The following PCDHA2 variants were observed in gnomAD, a reference collection of about 807,000 sequenced individuals.
The protein encoded by PCDHA2 is protocadherin alpha-2.
In PCDHA2, 58 loss-of-function variants were observed where a neutral mutation model predicts 66.0. The ratio of observed to expected loss-of-function variants is 0.88; its 90% CI spans 0.71 to 1.09. The LOEUF (loss-of-function observed/expected upper bound fraction) is 1.09, where lower values mean the gene tolerates loss of function less well. Among genes scored for constraint, PCDHA2 ranks in the 50% least tolerant of loss-of-function variants. The probability of loss-of-function intolerance (pLI) is 0.00; values close to 1 mark genes in which losing one functional copy is unlikely to be tolerated. For synonymous variants in PCDHA2, 634 were observed against 554.0 expected, an observed-to-expected ratio of 1.14 and a Z score of -2.03; for missense variants, 1,267 against 1,242.3, an observed-to-expected ratio of 1.02 and a Z score of -0.30.
At chr5:140,803,155 A>C (rs782366845) in intron 1 of PCDHA2, 6 of 1,613,866 alleles carry the variant, frequency 3.7e-6, no homozygotes, top group Non-Finnish European at 5.1e-6. Flanking sequence ...CTGGTGAAGG[A>C]CCACGGTGAA....
chr5:140,834,414 G>T, intron 1 of PCDHA2: 1 of 1,611,396 alleles, frequency 6.2e-7, no homozygotes. Flanking sequence ...CGACCCAGGG[G>T]GCCGACATCT....
At chr5:140,974,905 A>G (rs1276795577) in intron 1 of PCDHA2, among the ~76,000 whole-genome samples, 2 of 152,208 alleles carry the variant, frequency 1.3e-5, no homozygotes, top group African/African-American at 4.8e-5. Context: ...TTTGTAACAA[A>G]TTACCACAAG....
At chr5:140,940,528 A>G (rs1190387049) in intron 1 of PCDHA2, among the ~76,000 whole-genome samples, 6 of 152,156 alleles carry the variant, frequency 3.9e-5, no homozygotes, top group African/African-American at 1.4e-4. Flanking sequence ...AGCTCACTGC[A>G]ATCTTGAATT....
chr5:140,834,224 G>T (rs1183428417), intron 1 of PCDHA2: 6 of 695,532 alleles, frequency 8.6e-6, no homozygotes, highest in Non-Finnish European at 1.4e-5. Context: ...ATCAGCAAAA[G>T]GAAGTCATTC....
At chr5:140,928,427 C>T in intron 1 of PCDHA2, 1 of 1,614,132 alleles carries the variant, frequency 6.2e-7, no homozygotes. Flanking sequence ...GCCAAAACTT[C>T]CTTTGACTTT....
At chr5:140,915,638 C>CTCTT (rs1554197009) in intron 1 of PCDHA2, among the ~76,000 whole-genome samples, 3 of 151,724 alleles carry the variant, frequency 2.0e-5, no homozygotes, top group Admixed American at 1.3e-4. Context: ...CTCTCTCTCT[C>CTCTT]TCTCTCTCTC....
At chr5:140,856,951 A>G in intron 1 of PCDHA2, 2 of 1,593,156 alleles carry the variant, frequency 1.3e-6, no homozygotes, top group Non-Finnish European at 1.7e-6. Context: ...CGGGAGAAAT[A>G]AAAGTAAATG....
intron 1 of PCDHA2, chr5:140,848,326 C>T (rs1554142056): frequency 2.5e-6 from 2 of 808,244 alleles, no homozygotes; most frequent in African/African-American, 3.4e-5. Flanking sequence ...GATGTTCTCT[C>T]TGAATCCAGA....
chr5:140,818,062 G>A (rs2150100004), intron 1 of PCDHA2, among the ~76,000 whole-genome samples: 2 of 152,042 alleles, frequency 1.3e-5, no homozygotes, highest in East Asian at 1.9e-4. Flanking sequence ...TTTTAATCTC[G>A]CTTGCAGTTT....
intron 1 of PCDHA2, among the ~76,000 whole-genome samples, chr5:140,964,396 G>A (rs2095829712): frequency 6.6e-6 from 1 of 152,188 alleles, no homozygotes; most frequent in South Asian, 2.1e-4. Flanking sequence ...TTTCTCCCAA[G>A]ACATGACATT....
intron 1 of PCDHA2, among the ~76,000 whole-genome samples, chr5:140,906,069 T>C (rs2072342341): frequency 6.6e-6 from 1 of 152,204 alleles, no homozygotes; most frequent in African/African-American, 2.4e-5. Flanking sequence ...GCTGATTAGA[T>C]CGCACCCACC....
intron 1 of PCDHA2, chr5:140,805,244 A>C: frequency 7.6e-7 from 1 of 1,320,150 alleles, no homozygotes; most frequent in Non-Finnish European, 9.6e-7. Flanking sequence ...CCCCATCTGT[A>C]CATTAAAATA....
chr5:140,968,276 G>A, intron 1 of PCDHA2: 1 of 1,614,070 alleles, frequency 6.2e-7, no homozygotes, highest in South Asian at 1.1e-5. Context: ...GAATGCAGAG[G>A]TGACCTACTC....
At chr5:140,822,452 A>T (rs2150116491) in intron 1 of PCDHA2, 2 of 1,613,774 alleles carry the variant, frequency 1.2e-6, no homozygotes, top group Non-Finnish European at 1.7e-6. Flanking sequence ...GGTACAGTTC[A>T]GTTGTTGATC....
At chr5:140,875,820 T>C (rs2055843364) in intron 1 of PCDHA2, 1 of 1,613,978 alleles carries the variant, frequency 6.2e-7, no homozygotes, top group African/African-American at 1.3e-5. Flanking sequence ...CGCTGCAGGT[T>C]TTCCATGTGG....
intron 1 of PCDHA2, among the ~76,000 whole-genome samples, chr5:140,960,750 A>C (rs1367583531): frequency 6.6e-6 from 1 of 152,048 alleles, no homozygotes; most frequent in African/African-American, 2.4e-5. Context: ...CATGGCTAAA[A>C]TCCCAAGAGT....
At chr5:140,960,299 A>G (rs246005) in intron 1 of PCDHA2, among the ~76,000 whole-genome samples, 1 of 151,808 alleles carries the variant, frequency 6.6e-6, no homozygotes. Flanking sequence ...TTTCTTCATC[A>G]ATACCAACCT....
At position 140,917,332 on chromosome 5, in the gene PCDHA2, G is replaced by T. The variant is rs182473611; in HGVS notation, c.2389-61617G>T. Among the ~76,000 whole-genome samples the T allele has an allele frequency of 8.2e-3, 1,196 of 145,640 alleles. 67 individuals carry two copies. The highest frequency in any genetic ancestry group is 0.021 in the African/African-American group (776 of 37,840). On this transcript the variant is annotated intron_variant, in intron 1 of 3. Transcript: ENST00000526136. ...ATTTGGTGTTCATGTGGCGGGGGAG[G>T]GGGGGGATGGTGTAGGCTTCTGTTC... is the stretch of plus-strand genomic sequence containing the variant.
chr5:140,961,571 A>AT (rs2095622432), intron 1 of PCDHA2, among the ~76,000 whole-genome samples: 1 of 152,076 alleles, frequency 6.6e-6, no homozygotes. Flanking sequence ...TTTTGTTTTG[A>AT]TAAGCATTTA....
Sources: allele counts gnomAD v4.1 joint callset (sites outside exome capture counted in the v4.1 genomes callset), GRCh38; gene constraint gnomAD v4.1.1; transcripts MANE v1.5; gene names NCBI Gene and HGNC (gene_info 2026-07-23, HGNC 2026-07-21).